The following AP3S2 variants were observed in gnomAD, a reference collection of about 807,000 sequenced individuals.
The protein encoded by AP3S2 is AP-3 complex subunit sigma-2.
A neutral mutation model predicts 23.4 loss-of-function variants in AP3S2; 22 were observed. That is an observed-to-expected ratio of 0.94 (90% CI 0.67 to 1.34). The LOEUF is 1.34. Among genes scored for constraint, AP3S2 ranks in the 40% most tolerant of loss-of-function variants. AP3S2 has a pLI of 0.00. For synonymous variants in AP3S2, 86 were observed against 87.1 expected (o/e 0.99, Z 0.07); for missense variants, 241 against 236.9 (o/e 1.02, Z -0.11).
At chr15:89,880,730 A>G (rs1896552086) in intron 3 of AP3S2, among the ~76,000 whole-genome samples, 2 of 152,162 alleles carry the variant, frequency 1.3e-5, no homozygotes, top group South Asian at 2.1e-4. Context: ...AGAAAGAAAA[A>G]TGTAACTCAG....
chr15:89,842,176 A>G (rs572608505), intron 4 of AP3S2, among the ~76,000 whole-genome samples: 1 of 152,010 alleles, frequency 6.6e-6, no homozygotes, highest in Non-Finnish European at 1.5e-5. Flanking sequence ...CTAAAAACAC[A>G]CTAGGAACAA....
intron 3 of AP3S2, among the ~76,000 whole-genome samples, chr15:89,887,993 T>A (rs1010582065): frequency 1.4e-4 from 22 of 152,368 alleles, no homozygotes; most frequent in African/African-American, 5.1e-4. Context: ...ATTCTATAGC[T>A]GTAAAATGTA....
intron 3 of AP3S2, among the ~76,000 whole-genome samples, chr15:89,881,884 G>A (rs1028008201): frequency 1.3e-5 from 2 of 150,810 alleles, no homozygotes; most frequent in Admixed American, 6.6e-5. Flanking sequence ...GCAATGGCAC[G>A]ATCTCAGCTT....
At chr15:89,837,905 G>T (rs996531871) in intron 4 of AP3S2, 183 bp from the exon 5 acceptor site, 1 of 590,052 alleles carries the variant, frequency 1.7e-6, no homozygotes, top group Middle Eastern at 4.9e-4. Flanking sequence ...CTTGGCACAT[G>T]GCAACACGAA....
intron 3 of AP3S2, among the ~76,000 whole-genome samples, chr15:89,876,108 G>T (rs927742729): frequency 6.6e-6 from 1 of 152,164 alleles, no homozygotes; most frequent in African/African-American, 2.4e-5. Flanking sequence ...GAACGATCAT[G>T]ATCTAGAAGC....
At chr15:89,863,176 G>T (rs886522448) in intron 4 of AP3S2, among the ~76,000 whole-genome samples, 3 of 152,182 alleles carry the variant, frequency 2.0e-5, no homozygotes, top group Non-Finnish European at 4.4e-5. Context: ...ACGGCCACAG[G>T]ATTTGAAAAT....
chr15:89,880,429 G>A (rs1015010263), intron 3 of AP3S2, among the ~76,000 whole-genome samples: 2 of 152,088 alleles, frequency 1.3e-5, no homozygotes, highest in Admixed American at 6.5e-5. Context: ...AGTGGCTCAC[G>A]CCTGTAATCC....
At chr15:89,855,066 C>T (rs1436126469) in intron 4 of AP3S2, among the ~76,000 whole-genome samples, 2 of 142,106 alleles carry the variant, frequency 1.4e-5, no homozygotes, top group Non-Finnish European at 3.0e-5. Flanking sequence ...ATGACAATGA[C>T]GGCTTTGTGG....
At chr15:89,837,857 C>G in intron 4 of AP3S2, 135 bp from the exon 5 acceptor site, 2 of 988,344 alleles carry the variant, frequency 2.0e-6, no homozygotes, top group Non-Finnish European at 2.9e-6. Flanking sequence ...CACTCAAACC[C>G]CCCTGCCCAG....
chr15:89,835,406 C>A lies in AP3S2; in HGVS notation c.*109G>T. 2 of 1,533,296 alleles carry A rather than the reference C, an allele frequency of 1.3e-6. No homozygotes were observed. The highest frequency in any genetic ancestry group is 1.8e-6 in the Non-Finnish European group (2 of 1,138,500). 95.0% of individuals were successfully genotyped at this position (1,533,296 alleles called of 1,614,324 possible). On this transcript the variant is annotated 3_prime_UTR_variant, in exon 6 of 6. Transcript: ENST00000336418. ...TTCCCCAGACACAAAGTTTCCAGGTCCTGAGGCTTGACTCTTCTAAGGCTC... is the reference window on the plus strand; with the variant it reads ...TTCCCCAGACACAAAGTTTCCAGGTACTGAGGCTTGACTCTTCTAAGGCTC...
chr15:89,871,656 G>C, intron 3 of AP3S2, 110 bp from the exon 4 acceptor site: 1 of 1,137,586 alleles, frequency 8.8e-7, no homozygotes, highest in Non-Finnish European at 1.2e-6. Flanking sequence ...TTTACTTTAT[G>C]ATAAATCTCA....
At chr15:89,864,652 T>C (rs539503381) in intron 4 of AP3S2, among the ~76,000 whole-genome samples, 2 of 150,918 alleles carry the variant, frequency 1.3e-5, no homozygotes, top group Admixed American at 1.3e-4. Context: ...CAAGTGATTC[T>C]CCTGCCTCAG....
intron 4 of AP3S2, among the ~76,000 whole-genome samples, chr15:89,839,628 A>G (rs1567172219): frequency 6.6e-6 from 1 of 152,324 alleles, no homozygotes; most frequent in East Asian, 1.9e-4. Context: ...TTAAAAACAG[A>G]ATTACCATAT....
At chr15:89,869,898 G>A (rs1258848348) in intron 4 of AP3S2, among the ~76,000 whole-genome samples, 1 of 151,986 alleles carries the variant, frequency 6.6e-6, no homozygotes, top group Non-Finnish European at 1.5e-5. Flanking sequence ...GCACCATCAC[G>A]CCTGGCTAAT....
chr15:89,841,468 T>C (rs969940941), intron 4 of AP3S2, among the ~76,000 whole-genome samples: 2 of 152,178 alleles, frequency 1.3e-5, no homozygotes, highest in African/African-American at 4.8e-5. Flanking sequence ...AAATATGTAC[T>C]TCCTGTGGGT....
chr15:89,884,582 G>A lies in AP3S2; in HGVS notation c.273+3939C>T, dbSNP rs182397265. On this transcript the variant is annotated intron_variant, in intron 3 of 5. Transcript: ENST00000336418. ...AATCCCTTGGTTCAACTGATTGTCG[G>A]CTAAGATTTTACTTAGTAAGTAATT... is the stretch of plus-strand genomic sequence containing the variant. Among the ~76,000 whole-genome samples the A allele has an allele frequency of 7.2e-5, 11 of 151,792 alleles. No homozygotes were observed. The East Asian group carries it at 2.1e-3, about 29-fold the overall frequency.
intron 4 of AP3S2, among the ~76,000 whole-genome samples, chr15:89,857,592 T>C (rs1460100724): frequency 1.3e-5 from 2 of 152,216 alleles, no homozygotes; most frequent in African/African-American, 4.8e-5. Flanking sequence ...AAATGCCCAA[T>C]AATCAGAGAA....
chr15:89,843,249 G>T (rs1895377061), intron 4 of AP3S2, among the ~76,000 whole-genome samples: 1 of 152,000 alleles, frequency 6.6e-6, no homozygotes, highest in Admixed American at 6.5e-5. Flanking sequence ...CTCCCAAAGT[G>T]CTGGGATTAC....
intron 4 of AP3S2, chr15:89,850,706 C>T (rs1379028240): frequency 7.5e-6 from 1 of 132,596 alleles, no homozygotes; most frequent in African/African-American, 2.8e-5. Context: ...AAGGCATTCA[C>T]TGATTTTTTT....
Sources: allele counts gnomAD v4.1 joint callset (sites outside exome capture counted in the v4.1 genomes callset), GRCh38; gene constraint gnomAD v4.1.1; transcripts MANE v1.5; gene names NCBI Gene and HGNC (gene_info 2026-07-23, HGNC 2026-07-21).